DSCAM: variants seen among roughly 807,000 people sequenced by gnomAD.
DSCAM encodes the protein cell adhesion molecule DSCAM.
Under a neutral mutation model 217.7 loss-of-function variants are expected in DSCAM, and 47 were observed. The observed-to-expected ratio is 0.22, with a 90% CI of 0.17 to 0.28. The LOEUF (loss-of-function observed/expected upper bound fraction) is 0.28, where lower values mean the gene tolerates loss of function less well. Ranked by LOEUF, DSCAM falls within the 10% of genes least tolerant of loss-of-function variation. The pLI is 1.00. For synonymous variants in DSCAM, 1,056 were observed against 1,015.3 expected, an observed-to-expected ratio of 1.04 and a Z score of -0.76; for missense variants, 2,080 against 2,618.3, an observed-to-expected ratio of 0.79 and a Z score of 4.49.
chr21:40,554,053 G>A (rs185028502), intron 3 of DSCAM, among the ~76,000 whole-genome samples: 22 of 152,136 alleles, frequency 1.4e-4, no homozygotes, highest in African/African-American at 5.3e-4. Context: ...CTGGAATGCA[G>A]TGGCTATTTA....
intron 4 of DSCAM, among the ~76,000 whole-genome samples, chr21:40,360,057 G>A (rs966910324): frequency 3.3e-5 from 5 of 149,652 alleles, no homozygotes; most frequent in African/African-American, 1.2e-4. Context: ...GGAATATTAC[G>A]TGATGCTGAG....
intron 3 of DSCAM, among the ~76,000 whole-genome samples, chr21:40,644,916 C>T (rs2089926875): frequency 1.3e-5 from 2 of 152,116 alleles, no homozygotes; most frequent in Admixed American, 1.3e-4. Flanking sequence ...AATACAACTG[C>T]CAAATTTTAA....
At chr21:40,655,445 T>TC (rs1354444082) in intron 3 of DSCAM, among the ~76,000 whole-genome samples, 1 of 117,054 alleles carries the variant, frequency 8.5e-6, no homozygotes, top group Admixed American at 9.2e-5. Context: ...AATCTGTCTC[T>TC]CTTTTTTTTT....
intron 3 of DSCAM, among the ~76,000 whole-genome samples, chr21:40,683,331 T>C (rs1160650534): frequency 6.6e-6 from 1 of 152,058 alleles, no homozygotes; most frequent in African/African-American, 2.4e-5. Flanking sequence ...TTTCAGTAGA[T>C]TGTAACAGGC....
Position 40,269,241 on chromosome 21 carries a change from G to T in DSCAM, c.2356+6856C>A, listed in dbSNP as rs147458202. Among the ~76,000 whole-genome samples the T allele has an allele frequency of 7.2e-5, 11 of 152,312 alleles. No individual in the cohort carries two copies. The East Asian group carries it at 2.1e-3, about 29-fold the overall frequency. On this transcript the variant is annotated intron_variant, in intron 11 of 32. Transcript: ENST00000400454. The stretch of plus-strand genomic sequence containing the variant: ...GTACTGCCAGACATCATGGGGTCAA[G>T]AATTAAATGGGATAAACCTCTTTTG...
Position 40,846,772 on chromosome 21 carries a change from C to CCCGCCGCCCGCCG in DSCAM, c.-124_-112dup, listed in dbSNP as rs41428844. On this transcript the variant is annotated 5_prime_UTR_variant, in exon 1 of 33. Coordinates refer to ENST00000400454, the MANE Select transcript of DSCAM (RefSeq NM_001389.5). ...GCACCTGCCCGGGGGCCGCCGCCCG[C>CCCGCCGCCCGCCG]CCGCCGCCCGCCGCCGCCGCCGCCG... 8 of 358,576 alleles carry CCCGCCGCCCGCCG rather than the reference C, an allele frequency of 2.2e-5. No homozygotes were observed. The highest frequency in any genetic ancestry group is 1.3e-4 in the Admixed American group (2 of 14,880). The allele number at this position is 358,576 out of a possible 1,614,324, so 22.2% of individuals were successfully genotyped here.
intron 3 of DSCAM, among the ~76,000 whole-genome samples, chr21:40,414,635 T>A (rs2075353831): frequency 6.6e-6 from 1 of 152,234 alleles, no homozygotes; most frequent in East Asian, 1.9e-4. Context: ...TAAATGTATT[T>A]CAGATCCTAA....
intron 3 of DSCAM, among the ~76,000 whole-genome samples, chr21:40,444,324 G>T (rs374567187): frequency 6.6e-6 from 1 of 152,166 alleles, no homozygotes; most frequent in Non-Finnish European, 1.5e-5. Context: ...CTGGAACAGA[G>T]GTTTTAAATG....
At chr21:40,761,501 C>A (rs755705597) in intron 1 of DSCAM, among the ~76,000 whole-genome samples, 2 of 151,950 alleles carry the variant, frequency 1.3e-5, no homozygotes, top group Non-Finnish European at 2.9e-5. Flanking sequence ...AGACATCCAC[C>A]AGCTAAGGAG....
intron 9 of DSCAM, among the ~76,000 whole-genome samples, chr21:40,300,884 C>T (rs2074007390): frequency 6.6e-6 from 1 of 152,210 alleles, no homozygotes; most frequent in East Asian, 1.9e-4. Flanking sequence ...GCTGCTGGTA[C>T]AGAGACCACA....
chr21:40,564,363 G>C, intron 3 of DSCAM, among the ~76,000 whole-genome samples: 1 of 152,196 alleles, frequency 6.6e-6, no homozygotes, highest in East Asian at 1.9e-4. Flanking sequence ...CTTCACGGAT[G>C]CCAGTAACTA....
intron 3 of DSCAM, among the ~76,000 whole-genome samples, chr21:40,602,749 C>T (rs2077072109): frequency 6.6e-6 from 1 of 151,800 alleles, no homozygotes; most frequent in Non-Finnish European, 1.5e-5. Context: ...AGAGGTTTAC[C>T]AATTTTATTG....
At chr21:40,551,060 G>A (rs1601736828) in intron 3 of DSCAM, among the ~76,000 whole-genome samples, 2 of 152,264 alleles carry the variant, frequency 1.3e-5, no homozygotes, top group South Asian at 2.1e-4. Context: ...TAGTGTTAAT[G>A]AAAAAAGCCA....
chr21:40,115,404 G>A (rs1270978761), intron 20 of DSCAM, among the ~76,000 whole-genome samples: 26 of 152,136 alleles, frequency 1.7e-4, no homozygotes, highest in Admixed American at 1.7e-3. Context: ...TCACACACTG[G>A]AGCCTGTTGT....
chr21:40,080,067 A>C (rs984692519), intron 25 of DSCAM, 85 bp downstream of exon 25: 8 of 1,240,316 alleles, frequency 6.4e-6, no homozygotes, highest in Non-Finnish European at 7.8e-6. Flanking sequence ...TAAACGTAAA[A>C]CATGATGGAT....
At chr21:40,624,718 AG>A (rs1412385160) in intron 3 of DSCAM, among the ~76,000 whole-genome samples, 4 of 152,242 alleles carry the variant, frequency 2.6e-5, no homozygotes, top group Non-Finnish European at 5.9e-5. Flanking sequence ...AAAAGAAAAA[AG>A]AAATATTAGA....
intron 3 of DSCAM, among the ~76,000 whole-genome samples, chr21:40,535,640 G>A (rs886350310): frequency 6.6e-6 from 1 of 152,198 alleles, no homozygotes; most frequent in Admixed American, 6.5e-5. Context: ...CAAGCACTGT[G>A]CTACGTGCAG....
At chr21:40,837,281 C>A (rs1212602543) in intron 1 of DSCAM, among the ~76,000 whole-genome samples, 3 of 152,204 alleles carry the variant, frequency 2.0e-5, no homozygotes, top group Non-Finnish European at 4.4e-5. Flanking sequence ...CTCCCATCCT[C>A]AGCAATGGGG....
At chr21:40,521,055 T>G (rs1367498917) in intron 3 of DSCAM, among the ~76,000 whole-genome samples, 1 of 152,192 alleles carries the variant, frequency 6.6e-6, no homozygotes, top group Non-Finnish European at 1.5e-5. Context: ...TCTTTCTGTG[T>G]TTTACAATAA....
Sources: gnomAD v4.1 joint callset for allele counts (sites outside exome capture counted in the v4.1 genomes callset) on GRCh38, gnomAD v4.1.1 for gene constraint, MANE v1.5 for transcripts, NCBI Gene and HGNC (gene_info 2026-07-23, HGNC 2026-07-21) for gene names.